PRKCE: variants seen among roughly 807,000 people sequenced by gnomAD.
PRKCE encodes protein kinase C epsilon type.
Under a neutral mutation model 85.4 loss-of-function variants are expected in PRKCE, and 16 were observed. The observed-to-expected ratio is 0.19, with a 90% CI of 0.13 to 0.28. The LOEUF is 0.28. Among genes scored for constraint, PRKCE ranks in the 10% least tolerant of loss-of-function variants. The pLI is 1.00. For synonymous variants in PRKCE, 388 were observed against 371.5 expected, an observed-to-expected ratio of 1.04 and a Z score of -0.51; for missense variants, 573 against 975.2, an observed-to-expected ratio of 0.59 and a Z score of 5.49.
At chr2:45,829,835 A>C (rs577048901) in intron 1 of PRKCE, among the ~76,000 whole-genome samples, 9 of 152,160 alleles carry the variant, frequency 5.9e-5, no homozygotes, top group African/African-American at 2.2e-4. Flanking sequence ...GCACTTTGGG[A>C]GGCCGAGGCG....
rs754958846 is a variant in PRKCE at position 46,151,178 on chromosome 2, C to T, written c.1869C>T (p.Asp623=). 1.9e-6 allele frequency: 3 copies of T among 1,599,478 alleles called. No individual in the cohort carries two copies. Among genetic ancestry groups the T allele is most frequent in the East Asian group, 2.2e-5 (1 of 44,860 alleles). ...DDLFESILHD[D]VLYPVWLSKE... ...TATTTGAGTCCATCCTCCATGACGA[C>T]GTGCTGTACCCAGTCTGGCTCAGCA... The change falls in exon 13 of 15, where the codon GAC becomes GAT. Residue 623 remains aspartate, a synonymous_variant. Transcript: ENST00000306156.
intron 1 of PRKCE, among the ~76,000 whole-genome samples, chr2:45,771,869 G>A (rs1234846444): frequency 6.6e-6 from 1 of 152,118 alleles, no homozygotes; most frequent in African/African-American, 2.4e-5. Context: ...GTTTGGGCAG[G>A]GATGGTGGAG....
intron 11 of PRKCE, among the ~76,000 whole-genome samples, chr2:46,109,240 G>C (rs1175424409): frequency 6.6e-6 from 1 of 152,056 alleles, no homozygotes; most frequent in Non-Finnish European, 1.5e-5. Context: ...AGCTTCCTGG[G>C]ATTTGGATGG....
intron 2 of PRKCE, among the ~76,000 whole-genome samples, chr2:45,864,316 G>A (rs149793091): frequency 6.6e-6 from 1 of 152,312 alleles, no homozygotes; most frequent in African/African-American, 2.4e-5. Context: ...CCAGCTCTCA[G>A]AAGAAGGCAA....
At chr2:46,175,805 T>C (rs1358879948) in intron 14 of PRKCE, among the ~76,000 whole-genome samples, 1 of 151,898 alleles carries the variant, frequency 6.6e-6, no homozygotes, top group Admixed American at 6.6e-5. Context: ...AGCATGAACT[T>C]GCTATGTGTT....
intron 1 of PRKCE, among the ~76,000 whole-genome samples, chr2:45,812,274 T>C (rs751339438): frequency 6.6e-6 from 1 of 152,228 alleles, no homozygotes; most frequent in Non-Finnish European, 1.5e-5. Flanking sequence ...ATGTAAGGGA[T>C]TATTATGGCC....
Position 46,159,551 on chromosome 2 carries a change from G to C in PRKCE, c.1921-55G>C. The C allele has an allele frequency of 6.5e-7, 1 of 1,532,490 alleles. No homozygotes were observed. Among genetic ancestry groups the C allele is most frequent in the Non-Finnish European group, 8.7e-7 (1 of 1,147,358 alleles). 94.9% of individuals were successfully genotyped at this position (1,532,490 alleles called of 1,614,324 possible). Reference sequence around the variant, plus strand: ...GGCTGACCTCCATCTGTCCCTTATAGCCTGTGCTGGCCAGGCCTTTGTCAC... The same window carrying C: ...GGCTGACCTCCATCTGTCCCTTATACCCTGTGCTGGCCAGGCCTTTGTCAC... On this transcript the variant is annotated intron_variant, in intron 13 of 14. Transcript: ENST00000306156. This position sits in a 1 kb window ranked among gnomAD's most constrained non-coding sequence, Gnocchi z 4.1.
chr2:45,822,148 C>T (rs1689585121), intron 1 of PRKCE, among the ~76,000 whole-genome samples: 1 of 152,210 alleles, frequency 6.6e-6, no homozygotes, highest in Non-Finnish European at 1.5e-5. Context: ...GTAATGTCCA[C>T]ACATATCAGT....
intron 1 of PRKCE, among the ~76,000 whole-genome samples, chr2:45,812,235 A>G (rs1688705193): frequency 6.6e-6 from 1 of 152,252 alleles, no homozygotes; most frequent in Non-Finnish European, 1.5e-5. Flanking sequence ...ATTTGTCAGC[A>G]CTTGTGAAAA....
intron 1 of PRKCE, among the ~76,000 whole-genome samples, chr2:45,706,480 G>C (rs936799949): frequency 1.3e-5 from 2 of 152,210 alleles, no homozygotes; most frequent in East Asian, 3.8e-4. Context: ...ACTTGAAGCA[G>C]TGTTTGTCAA....
intron 10 of PRKCE, among the ~76,000 whole-genome samples, chr2:46,019,850 T>C (rs1706493823): frequency 7.0e-6 from 1 of 142,786 alleles, no homozygotes; most frequent in Non-Finnish European, 1.5e-5. Context: ...GTTTTCTCTT[T>C]TTTTTTTTTT....
chr2:46,169,149 G>A (rs1249965123), intron 14 of PRKCE, among the ~76,000 whole-genome samples: 2 of 152,172 alleles, frequency 1.3e-5, no homozygotes, highest in Non-Finnish European at 2.9e-5. Flanking sequence ...TTGATCTCCA[G>A]AGGCATATAT....
At chr2:45,932,370 AT>A (rs1240341595) in intron 2 of PRKCE, among the ~76,000 whole-genome samples, 1 of 152,200 alleles carries the variant, frequency 6.6e-6, no homozygotes, top group Non-Finnish European at 1.5e-5. Flanking sequence ...AGCTATGAAC[AT>A]TTTAGTTCAT....
At chr2:45,906,746 C>T (rs1369096831) in intron 2 of PRKCE, among the ~76,000 whole-genome samples, 3 of 152,198 alleles carry the variant, frequency 2.0e-5, no homozygotes, top group Non-Finnish European at 4.4e-5. Context: ...GCCCACCCTC[C>T]ATCAGGCGGC....
chr2:45,938,617 C>A (rs936531424), intron 2 of PRKCE, among the ~76,000 whole-genome samples: 1 of 152,180 alleles, frequency 6.6e-6, no homozygotes. Context: ...AATTTGCATT[C>A]TTTCCTAACT....
At chr2:46,128,516 T>C (rs1012231701) in intron 11 of PRKCE, among the ~76,000 whole-genome samples, 1 of 152,232 alleles carries the variant, frequency 6.6e-6, no homozygotes, top group African/African-American at 2.4e-5. Context: ...TGTATTCACA[T>C]AGTGTTAATA....
intron 2 of PRKCE, among the ~76,000 whole-genome samples, chr2:45,936,463 T>C (rs932418256): frequency 1.3e-5 from 2 of 151,732 alleles, no homozygotes; most frequent in Admixed American, 1.3e-4. Flanking sequence ...AAGCAAGGAG[T>C]CATCCAGTAG....
chr2:46,069,069 T>G (rs1487808260), intron 10 of PRKCE, among the ~76,000 whole-genome samples: 5 of 152,254 alleles, frequency 3.3e-5, no homozygotes, highest in Admixed American at 3.3e-4. Context: ...TGGAAAGCAC[T>G]GCTGCTTAGA....
chr2:45,977,571 A>C (rs1028455794), intron 3 of PRKCE, among the ~76,000 whole-genome samples: 7 of 151,656 alleles, frequency 4.6e-5, no homozygotes, highest in Non-Finnish European at 7.4e-5. Flanking sequence ...CTGGAGGTGG[A>C]GGCTGCAGTG....
Sources: allele counts gnomAD v4.1 joint callset (sites outside exome capture counted in the v4.1 genomes callset), GRCh38; gene constraint gnomAD v4.1.1; non-coding constraint Gnocchi (gnomAD v3.1); transcripts MANE v1.5; gene names NCBI Gene and HGNC (gene_info 2026-07-23, HGNC 2026-07-21).